TLN2: variants seen among roughly 807,000 people sequenced by gnomAD.
The protein encoded by TLN2 is talin 2.
A neutral mutation model predicts 294.7 loss-of-function variants in TLN2; 118 were observed. The ratio of observed to expected loss-of-function variants is 0.40; its 90% CI spans 0.34 to 0.47. TLN2 has a LOEUF of 0.47. Among genes scored for constraint, TLN2 ranks in the 20% least tolerant of loss-of-function variants. The pLI is 0.84. For missense variants in TLN2, 3,083 were observed against 3,282.2 expected (o/e 0.94, Z 1.48); for synonymous variants, 1,431 against 1,304.5 (o/e 1.10, Z -2.09).
rs190235876 is a variant in TLN2 at position 62,840,386 on chromosome 15, G to A, written c.7501-96G>A. The A allele has an allele frequency of 5.0e-5, 76 of 1,525,318 alleles. No homozygotes were observed. The East Asian group carries it at 8.9e-4, about 18-fold the overall frequency. 94.5% of individuals were successfully genotyped at this position (1,525,318 alleles called of 1,614,324 possible). On this transcript the variant is annotated intron_variant, in intron 58 of 58. Transcript: ENST00000636159. The stretch of plus-strand genomic sequence containing the variant: ...TTCCGGATGTGCTGCAGTGTCCCAC[G>A]GTCGCGGGAGCCGTGGAGCTCACAT...
At chr15:62,455,226 G>A in intron 1 of TLN2, among the ~76,000 whole-genome samples, 1 of 152,210 alleles carries the variant, frequency 6.6e-6, no homozygotes, top group East Asian at 1.9e-4. Flanking sequence ...GCAGGAGTGT[G>A]TAGGTCAGCA....
At position 62,687,372 on chromosome 15, in the gene TLN2, G is replaced by T. The variant is rs1156307892; in HGVS notation, c.1113+576G>T. On this transcript the variant is annotated intron_variant, in intron 12 of 58. Transcript: ENST00000636159. ...TTTCTTCAGCTATAAAATGGTGATA[G>T]TCCTACCTACAGAGCTGCTAGGATT... 2.0e-5 allele frequency among the ~76,000 whole-genome samples: 3 copies of T among 152,160 alleles called. No homozygotes were observed. In the South Asian group the frequency reaches 6.2e-4, roughly 32 times the overall value.
At chr15:62,452,229 G>T (rs963766429) in intron 1 of TLN2, among the ~76,000 whole-genome samples, 14 of 152,124 alleles carry the variant, frequency 9.2e-5, no homozygotes, top group African/African-American at 3.4e-4. Context: ...GAGGGCTTGC[G>T]AAAAGTCCGT....
At chr15:62,623,837 A>C (rs1448220413) in intron 3 of TLN2, among the ~76,000 whole-genome samples, 1 of 152,216 alleles carries the variant, frequency 6.6e-6, no homozygotes, top group Non-Finnish European at 1.5e-5. Flanking sequence ...AGAGAAAGGC[A>C]TATGGACTCT....
chr15:62,498,735 GTT>G (rs35732120), intron 1 of TLN2, among the ~76,000 whole-genome samples: 37 of 149,284 alleles, frequency 2.5e-4, no homozygotes, highest in Admixed American at 4.0e-4. Flanking sequence ...TCTTAGGAGG[GTT>G]TTTTTTTTCC....
chr15:62,450,571 G>A (rs1034493261), intron 1 of TLN2, among the ~76,000 whole-genome samples: 1 of 149,662 alleles, frequency 6.7e-6, no homozygotes, highest in Admixed American at 6.7e-5. Flanking sequence ...GTGTGTGTGT[G>A]TGTCTGTGTG....
chr15:62,601,835 C>A (rs79335971), intron 2 of TLN2, among the ~76,000 whole-genome samples: 1 of 152,016 alleles, frequency 6.6e-6, no homozygotes, highest in African/African-American at 2.4e-5. Flanking sequence ...CTTTTTTTAG[C>A]GTAATTTAAT....
chr15:62,834,122 T>C (rs1032178734), intron 55 of TLN2: 1 of 152,476 alleles, frequency 6.6e-6, no homozygotes, highest in Non-Finnish European at 1.5e-5. Context: ...CTGAAATTTC[T>C]TCAGCTTTAT....
chr15:62,535,487 CA>C (rs2041290296), intron 1 of TLN2, among the ~76,000 whole-genome samples: 2 of 151,836 alleles, frequency 1.3e-5, no homozygotes, highest in Non-Finnish European at 2.9e-5. Context: ...CACACACACA[CA>C]CACCCCTCTC....
intron 52 of TLN2, among the ~76,000 whole-genome samples, chr15:62,819,090 G>T (rs1005376666): frequency 6.6e-6 from 1 of 151,948 alleles, no homozygotes; most frequent in Admixed American, 6.6e-5. Flanking sequence ...GAACTCCTGG[G>T]CTCAAGCAGC....
At chr15:62,786,727 A>T (rs187934202) in intron 45 of TLN2, among the ~76,000 whole-genome samples, 37 of 152,258 alleles carry the variant, frequency 2.4e-4, no homozygotes, top group Admixed American at 2.0e-3. Flanking sequence ...CTGCTTTAGA[A>T]TTCTCTAAAA....
chr15:62,419,650 TG>T (rs1453305824), intron 1 of TLN2, among the ~76,000 whole-genome samples: 1 of 53,184 alleles, frequency 1.9e-5, no homozygotes. Flanking sequence ...TTTTTTTGGG[TG>T]GGGGGAGGGG....
At chr15:62,530,299 C>T (rs186878972) in intron 1 of TLN2, among the ~76,000 whole-genome samples, 1 of 152,174 alleles carries the variant, frequency 6.6e-6, no homozygotes, top group East Asian at 1.9e-4. Context: ...ATTTTTGGGT[C>T]AAAGGAATAT....
chr15:62,705,724 A>C (rs979952975), intron 19 of TLN2, among the ~76,000 whole-genome samples: 45 of 152,232 alleles, frequency 3.0e-4, no homozygotes, highest in Non-Finnish European at 2.2e-4. Flanking sequence ...ATTGAGATAG[A>C]TGTCCAGGAA....
At position 62,776,896 on chromosome 15, in the gene TLN2, G is replaced by A. The variant is rs200375758; in HGVS notation, c.5500G>A (p.Glu1834Lys). Residue 1834 changes from glutamate to lysine, a missense_variant, in exon 43 of 59, where the codon GAA becomes AAA. By Grantham distance (56) the Glu-to-Lys change is moderately conservative. Coordinates refer to ENST00000636159, the MANE Select transcript of TLN2 (RefSeq NM_015059.3). Reference sequence around the variant, plus strand: ...TGGGGGCATGGTGGACGCCATTGCAGAAGCCATGAGCAAGGTGGGCATGGG... The same window carrying A: ...TGGGGGCATGGTGGACGCCATTGCAAAAGCCATGAGCAAGGTGGGCATGGG... ...LVGGMVDAIA[E>K]AMSKLDEGTP... The A allele has an allele frequency of 9.2e-5, 145 of 1,579,306 alleles. No individual in the cohort carries two copies. The highest frequency in any genetic ancestry group is 7.8e-5 in the Non-Finnish European group (91 of 1,161,762).
intron 2 of TLN2, among the ~76,000 whole-genome samples, chr15:62,604,150 A>C (rs8039982): frequency 0.012 from 1,842 of 152,214 alleles, 34 homozygotes; most frequent in African/African-American, 0.042. Flanking sequence ...CTTTTGAGCC[A>C]TAGTTTGTCA....
In TLN2 at chr15:62,697,881, G is replaced by T; in HGVS notation, c.1473+13G>T. The T allele has an allele frequency of 6.2e-7, 1 of 1,609,394 alleles. No individual in the cohort carries two copies. Among genetic ancestry groups the T allele is most frequent in the South Asian group, 1.1e-5 (1 of 90,844 alleles). On this transcript the variant is annotated intron_variant, in intron 15 of 58. Coordinates refer to ENST00000636159, the MANE Select transcript of TLN2 (RefSeq NM_015059.3). ...CATGCCGCCACTGGTGAGGCTTCCT[G>T]TGCTCGTCCCCCACTCGTTAGTCTG...
chr15:62,731,475 A>G (rs1036698473), intron 28 of TLN2, among the ~76,000 whole-genome samples: 2 of 152,206 alleles, frequency 1.3e-5, no homozygotes, highest in African/African-American at 2.4e-5. Flanking sequence ...ACAGATCACA[A>G]TAAAAATGCA....
At chr15:62,676,156 C>T (rs1209913521) in intron 11 of TLN2, among the ~76,000 whole-genome samples, 2 of 152,160 alleles carry the variant, frequency 1.3e-5, no homozygotes, top group Non-Finnish European at 2.9e-5. Flanking sequence ...AGGTGTCTTT[C>T]CCCACAGCCA....
Sources: gnomAD v4.1 joint callset for allele counts (sites outside exome capture counted in the v4.1 genomes callset) on GRCh38, gnomAD v4.1.1 for gene constraint, MANE v1.5 for transcripts, NCBI Gene and HGNC (gene_info 2026-07-23, HGNC 2026-07-21) for gene names.